Variants in NCOR1 observed in about 807,000 individuals in gnomAD.
NCOR1 encodes the protein protein phosphatase 1, regulatory subunit 109.
Under a neutral mutation model 288.1 loss-of-function variants are expected in NCOR1, and 63 were observed. That is an observed-to-expected ratio of 0.22 (90% CI 0.18 to 0.27). NCOR1 has a LOEUF of 0.27. Among genes scored for constraint, NCOR1 ranks in the 10% least tolerant of loss-of-function variants. The pLI, the probability that NCOR1 is intolerant of heterozygous loss-of-function variation, is 1.00. For synonymous variants in NCOR1, 1,007 were observed against 1,065.9 expected, an observed-to-expected ratio of 0.94 and a Z score of 1.08; for missense variants, 2,397 against 3,019.2, an observed-to-expected ratio of 0.79 and a Z score of 4.83.
intron 18 of NCOR1, among the ~76,000 whole-genome samples, chr17:16,117,532 A>AC (rs60571797): frequency 0.01 from 1,530 of 151,634 alleles, 31 homozygotes; most frequent in African/African-American, 0.035. Flanking sequence ...AAAAAAAAAA[A>AC]AACATCAAGG....
Position 16,160,385 on chromosome 17 carries a change from C to T in NCOR1, c.619-1512G>A, listed in dbSNP as rs941650023. On this transcript the variant is annotated intron_variant, in intron 5 of 45. Transcript: ENST00000268712. ...AGTTAATGCTTTAAAAATATCCACA[C>T]GAATAAATTTAGCATAAGTCCACTA... Among the ~76,000 whole-genome samples the T allele has an allele frequency of 8.6e-5, 13 of 151,694 alleles. No individual in the cohort carries two copies. In the South Asian group the frequency reaches 2.1e-3, roughly 24 times the overall value.
At position 16,171,980 on chromosome 17, in the gene NCOR1, T is replaced by A; in HGVS notation, c.258A>T (p.Arg86Ser). 6.3e-7 allele frequency: 1 copy of A among 1,576,518 alleles called. No homozygotes were observed. The highest frequency in any genetic ancestry group is 8.6e-7 in the Non-Finnish European group (1 of 1,163,992). The change falls in exon 4 of 46, where the codon AGA becomes AGT. Residue 86 changes from arginine to serine, a missense_variant. Around this residue, in one of 11 missense-constraint regions of NCOR1, gnomAD observed 110 missense variants for 123.2 expected, o/e 0.89. Coordinates refer to ENST00000268712, the MANE Select transcript of NCOR1 (RefSeq NM_006311.4). ...HPGSDRPQER[R>S]TSYEPFHPGP... ...CTGGATGAAACGGTTCATAACTAGT[T>A]CTCCTTTCTTGAGGCCTAATACATA...
chr17:16,161,479 A>G (rs1324832457), intron 5 of NCOR1, among the ~76,000 whole-genome samples: 1 of 152,084 alleles, frequency 6.6e-6, no homozygotes, highest in Non-Finnish European at 1.5e-5. Flanking sequence ...TATTTTTAGT[A>G]GAGGTGGGGT....
rs1343735661 is a variant in NCOR1 at position 16,039,636 on chromosome 17, C to T, written c.6752G>A (p.Gly2251Asp). 6 of 1,613,774 alleles carry T rather than the reference C, an allele frequency of 3.7e-6. No homozygotes were observed. Among genetic ancestry groups the T allele is most frequent in the Non-Finnish European group, 5.1e-6 (6 of 1,179,920 alleles). The change falls in exon 44 of 46, where the codon GGC becomes GAC. Residue 2251 changes from glycine (G) to aspartate (D), a missense_variant. Transcript: ENST00000268712. ...VTTSGSVSSR[G>D]HSFADPASNL... ...ACTGGCAGGATCAGCAAAAGAATGGCCTCTAGAGCTAACTGAGCCTGAAAG... is the reference window on the plus strand; with the variant it reads ...ACTGGCAGGATCAGCAAAAGAATGGTCTCTAGAGCTAACTGAGCCTGAAAG...
chr17:16,032,429 G>A lies in NCOR1; in HGVS notation c.7190C>T (p.Pro2397Leu), dbSNP rs1212826063. 1 of 1,613,668 alleles carries A rather than the reference G, an allele frequency of 6.2e-7. No homozygotes were observed. Among genetic ancestry groups the A allele is most frequent in the Non-Finnish European group, 8.5e-7 (1 of 1,179,918 alleles). The part of the protein sequence containing the change: ...PLTMRMLSST[P>L]PTPIACAPSA... ...GGGAGCACATGCAATCGGTGTTGGT[G>A]GAGTACTGCTGAGCATCCGCATAGT... The change falls in exon 46 of 46, where the codon CCA (proline) becomes CTA (leucine). Residue 2397 changes from proline to leucine, a missense_variant. Physicochemically the swap from Pro to Leu is moderately conservative, Grantham distance 98. Transcript: ENST00000268712.
At chr17:16,185,683 CAAAAAAAAAAAAA>C (rs58712974) in intron 3 of NCOR1, among the ~76,000 whole-genome samples, 6 of 33,390 alleles carry the variant, frequency 1.8e-4, no homozygotes, top group African/African-American at 1.2e-4. Context: ...GACTCTTTCT[CAAAAAAAAAAAAA>C]AAAAAAAAAA....
intron 32 of NCOR1, 77 bp downstream of exon 32, chr17:16,067,817 T>A (rs2061310255): frequency 7.4e-6 from 10 of 1,360,542 alleles, no homozygotes; most frequent in Non-Finnish European, 9.0e-6. Context: ...TACTATATTG[T>A]ACAACAACAG....
intron 30 of NCOR1, 42 bp from the exon 31 acceptor site, chr17:16,070,567 T>C (rs771921925): frequency 6.3e-7 from 1 of 1,585,662 alleles, no homozygotes; most frequent in East Asian, 2.2e-5. Flanking sequence ...CAAAGTCATC[T>C]GGCTACTTTT....
chr17:16,164,151 G>T (rs1158130281), intron 5 of NCOR1, among the ~76,000 whole-genome samples: 2 of 151,502 alleles, frequency 1.3e-5, no homozygotes, highest in African/African-American at 4.9e-5. Context: ...TGTTGCAGGA[G>T]AATCACTTGA....
intron 1 of NCOR1, among the ~76,000 whole-genome samples, chr17:16,205,809 T>C (rs954094590): frequency 6.9e-5 from 10 of 145,556 alleles, no homozygotes; most frequent in African/African-American, 2.3e-4. Context: ...TGGTGGTGCA[T>C]GCCTGTAATC....
Position 16,064,136 on chromosome 17 carries a change from C to T in NCOR1, c.5153G>A (p.Arg1718Gln), listed in dbSNP as rs369094623. 1.1e-4 allele frequency: 181 copies of T among 1,613,744 alleles called. No homozygotes were observed. The highest frequency in any genetic ancestry group is 1.4e-4 in the Non-Finnish European group (167 of 1,179,898). ...AAASAERERE[R>Q]EREKERERER... is the part of the protein sequence containing the mutation. The stretch of plus-strand genomic sequence containing the variant: ...CCGCTCCCGCTCCTTCTCCCGCTCC[C>T]GTTCCCGTTCCCTCTCAGCACTTGC... The change falls in exon 35 of 46, where the codon CGG becomes CAG. Residue 1718 changes from arginine (R) to glutamine (Q), a missense_variant. Physicochemically the swap from Arg to Gln is conservative, Grantham distance 43. Transcript: ENST00000268712.
At chr17:16,139,588 T>C (rs986953735) in intron 11 of NCOR1, among the ~76,000 whole-genome samples, 2 of 152,182 alleles carry the variant, frequency 1.3e-5, no homozygotes, top group African/African-American at 2.4e-5. Flanking sequence ...AGAACAACTT[T>C]TACCGTCATA....
In NCOR1 at chr17:16,070,330, A is replaced by T. The variant is rs2152724214; in HGVS notation, c.4348T>A (p.Ser1450Thr). 1 of 1,614,094 alleles carries T rather than the reference A, an allele frequency of 6.2e-7. No homozygotes were observed. ...ACGGAGGGGCCAGAGCTTACCACTGACGTGTGCCGGGAACGCACGGTCTCG... is the reference window on the plus strand; with the variant it reads ...ACGGAGGGGCCAGAGCTTACCACTGTCGTGTGCCGGGAACGCACGGTCTCG... ...AGETVRSRHT[S>T]VVSSGPSVLR... is the part of the protein sequence containing the mutation. The change falls in exon 31 of 46, where the codon TCA becomes ACA. Residue 1450 changes from serine (S) to threonine (T), a missense_variant. Ser to Thr is a moderately conservative substitution (Grantham distance 58, BLOSUM62 1). Around this residue, in one of 11 missense-constraint regions of NCOR1, gnomAD observed 1,872 missense variants for 2,187.8 expected, o/e 0.86. Transcript: ENST00000268712.
chr17:16,076,722 G>A (rs892250586), intron 26 of NCOR1, among the ~76,000 whole-genome samples: 2 of 152,090 alleles, frequency 1.3e-5, no homozygotes, highest in Non-Finnish European at 2.9e-5. Flanking sequence ...AAAAACTAGC[G>A]ACAACCACCT....
Position 16,082,210 on chromosome 17 carries a change from TG to T in NCOR1, c.3178-1484del, listed in dbSNP as rs372572970. Reference sequence around the variant, plus strand: ...CAAGCTCTGAAAAGAAAAGTGGGGGTGGGGGGGATCCAAGTTCCAGAGTTGC... The same window carrying T: ...CAAGCTCTGAAAAGAAAAGTGGGGGTGGGGGGATCCAAGTTCCAGAGTTGC... On this transcript the variant is annotated intron_variant, in intron 23 of 45. Coordinates refer to ENST00000268712, the MANE Select transcript of NCOR1 (RefSeq NM_006311.4). Among the ~76,000 whole-genome samples the T allele has an allele frequency of 2.4e-4, 36 of 148,578 alleles. No homozygotes were observed. The East Asian group carries it at 6.2e-3, about 26-fold the overall frequency.
chr17:16,039,505 C>G lies in NCOR1; in HGVS notation c.6883G>C (p.Gly2295Arg). The G allele has an allele frequency of 6.2e-7, 1 of 1,614,074 alleles. No homozygotes were observed. Among genetic ancestry groups the G allele is most frequent in the Non-Finnish European group, 8.5e-7 (1 of 1,180,036 alleles). ...VMSQPMGVVP[G>R]TANTSVVTSG... ...GTCACAACTGAGGTGTTGGCAGTAC[C>G]AGGCACTACTCCCATAGGCTGGGAC... Residue 2295 changes from glycine to arginine, a missense_variant, in exon 44 of 46, where the codon GGT (glycine) becomes CGT (arginine). Gly to Arg is a moderately radical substitution (Grantham distance 125, BLOSUM62 -2). This residue lies in a region of NCOR1 where 1,872 missense variants were observed against 2,187.8 expected (regional missense o/e 0.86). Coordinates refer to ENST00000268712, the MANE Select transcript of NCOR1 (RefSeq NM_006311.4).
intron 14 of NCOR1, 57 bp from the exon 15 acceptor site, chr17:16,126,263 T>A (rs189928617): frequency 6.8e-7 from 1 of 1,460,384 alleles, no homozygotes; most frequent in Non-Finnish European, 9.1e-7. Flanking sequence ...TAGCTCCTTA[T>A]AGTGTGATAA....
At chr17:16,206,217 C>T (rs952566033) in intron 1 of NCOR1, among the ~76,000 whole-genome samples, 1 of 151,818 alleles carries the variant, frequency 6.6e-6, no homozygotes, top group African/African-American at 2.4e-5. Context: ...AGCAACTCCA[C>T]TTCTAGGAAT....
intron 18 of NCOR1, among the ~76,000 whole-genome samples, chr17:16,110,375 A>C (rs1217941008): frequency 6.6e-6 from 1 of 152,056 alleles, no homozygotes; most frequent in Admixed American, 6.5e-5. Flanking sequence ...AAAACAAAAA[A>C]ACAAAAATTT....
Sources: allele counts gnomAD v4.1 joint callset (sites outside exome capture counted in the v4.1 genomes callset), GRCh38; gene constraint gnomAD v4.1.1; regional missense constraint gnomAD v4.1.1; transcripts MANE v1.5; gene names NCBI Gene and HGNC (gene_info 2026-07-23, HGNC 2026-07-21).